The following FANCI variants were observed in gnomAD, a reference collection of about 807,000 sequenced individuals.
FANCI encodes the protein FA complementation group I.
A neutral mutation model predicts 176.1 loss-of-function variants in FANCI; 156 were observed. The observed-to-expected ratio is 0.89, with a 90% CI of 0.78 to 1.01. The LOEUF (loss-of-function observed/expected upper bound fraction) is 1.01. Ranked by LOEUF, FANCI falls within the 50% of genes least tolerant of loss-of-function variation. FANCI has a pLI of 0.00. For missense variants in FANCI, 1,678 were observed against 1,534.1 expected, an observed-to-expected ratio of 1.09 and a Z score of -1.57; for synonymous variants, 613 against 541.7, an observed-to-expected ratio of 1.13 and a Z score of -1.83.
intron 2 of FANCI, among the ~76,000 whole-genome samples, chr15:89,253,750 A>G (rs1461946413): frequency 7.1e-6 from 1 of 141,204 alleles, no homozygotes; most frequent in East Asian, 2.3e-4. Context: ...CGTATCACAG[A>G]AAAAGGATTA....
chr15:89,254,273 A>G (rs1175844784), intron 2 of FANCI, among the ~76,000 whole-genome samples: 2 of 152,200 alleles, frequency 1.3e-5, no homozygotes, highest in Admixed American at 6.5e-5. Flanking sequence ...TTGCTGTTTC[A>G]TAACCATTCC....
intron 6 of FANCI, 32 bp downstream of exon 6, chr15:89,261,910 G>A: frequency 6.2e-7 from 1 of 1,608,084 alleles, no homozygotes; most frequent in Non-Finnish European, 8.5e-7. Context: ...AACTTTCTTA[G>A]GAATACAAGT....
At chr15:89,270,941 C>G (rs2053176126) in intron 10 of FANCI, among the ~76,000 whole-genome samples, 1 of 152,106 alleles carries the variant, frequency 6.6e-6, no homozygotes, top group Non-Finnish European at 1.5e-5. Context: ...TCTGAGTAGG[C>G]TTTAAAACTT....
chr15:89,293,415 G>A (rs188688872), intron 22 of FANCI, among the ~76,000 whole-genome samples: 4 of 152,302 alleles, frequency 2.6e-5, no homozygotes, highest in Non-Finnish European at 5.9e-5. Context: ...GGCCAGGTGC[G>A]GTGGCTCACG....
intron 1 of FANCI, among the ~76,000 whole-genome samples, chr15:89,245,594 A>G (rs901255796): frequency 1.3e-5 from 2 of 151,968 alleles, no homozygotes; most frequent in African/African-American, 2.4e-5. Flanking sequence ...GGAAGCAGGA[A>G]TATTTATTTA....
chr15:89,254,540 TA>T (rs1412877312), intron 2 of FANCI, among the ~76,000 whole-genome samples: 1 of 152,178 alleles, frequency 6.6e-6, no homozygotes, highest in African/African-American at 2.4e-5. Flanking sequence ...TCCATACTCA[TA>T]ATTAATAAAT....
At chr15:89,283,898 G>C (rs1016366920) in intron 17 of FANCI, among the ~76,000 whole-genome samples, 2 of 151,928 alleles carry the variant, frequency 1.3e-5, no homozygotes, top group Non-Finnish European at 2.9e-5. Context: ...GAGTAGCTGG[G>C]ACTACAGGCG....
At position 89,306,145 on chromosome 15, in the gene FANCI, T is replaced by A. The variant is rs756242056; in HGVS notation, c.3488T>A (p.Leu1163Ter). 6.2e-7 allele frequency: 1 copy of A among 1,614,152 alleles called. No individual in the cohort carries two copies. Among genetic ancestry groups the A allele is most frequent in the Non-Finnish European group, 8.5e-7 (1 of 1,180,036 alleles). The change falls in exon 32 of 38, where the codon TTA becomes TAA. Residue 1163 changes from leucine to a stop codon, truncating the protein, a stop_gained. Transcript: ENST00000310775. LOFTEE classifies it high-confidence loss of function. ...LPSGSCVDTL[L>*]KDLCKMYTTL... The stretch of plus-strand genomic sequence containing the variant: ...TCAGGCAGCTGTGTGGACACCTTGT[T>A]AAAGGACTTGTGCAAAATGTACACC...
intron 10 of FANCI, 67 bp from the exon 11 acceptor site, chr15:89,273,310 T>TA (rs59945953): frequency 0.021 from 12,215 of 587,998 alleles, 8 homozygotes; most frequent in East Asian, 0.025. Flanking sequence ...TTTTTTTTTT[T>TA]AAAAAAAAAA....
chr15:89,297,681 A>C (rs2054355000), intron 24 of FANCI, among the ~76,000 whole-genome samples: 5 of 144,628 alleles, frequency 3.5e-5, no homozygotes, highest in African/African-American at 1.3e-4. Context: ...GGGAGGTTGC[A>C]GTGAGCCGAG....
At chr15:89,276,181 C>G (rs1365358368) in intron 12 of FANCI, among the ~76,000 whole-genome samples, 4 of 152,188 alleles carry the variant, frequency 2.6e-5, no homozygotes, top group Non-Finnish European at 4.4e-5. Flanking sequence ...TACTCTTTTA[C>G]AAAAGATTAT....
At position 89,281,166 on chromosome 15, in the gene FANCI, T is replaced by C; in HGVS notation, c.1382-4T>C. ...GACAACTGATTATAGATTCTGTTTT[T>C]CAGACCTGCTTTCAAATATCGTCAT... On this transcript the variant is annotated splice_polypyrimidine_tract_variant and splice_region_variant and intron_variant, in intron 14 of 37. Coordinates refer to ENST00000310775, the MANE Select transcript of FANCI (RefSeq NM_001113378.2). 1 of 1,613,430 alleles carries C rather than the reference T, an allele frequency of 6.2e-7. No homozygotes were observed. Among genetic ancestry groups the C allele is most frequent in the Non-Finnish European group, 8.5e-7 (1 of 1,179,552 alleles).
At position 89,283,248 on chromosome 15, in the gene FANCI, C is replaced by A. The variant is rs1469334288; in HGVS notation, c.1696C>A (p.Gln566Lys). The A allele has an allele frequency of 1.2e-6, 2 of 1,613,746 alleles. No individual in the cohort carries two copies. Among genetic ancestry groups the A allele is most frequent in the Non-Finnish European group, 1.7e-6 (2 of 1,179,802 alleles). The change falls in exon 17 of 38, where the codon CAG (glutamine) becomes AAG (lysine). Residue 566 changes from glutamine to lysine, a missense_variant and splice_region_variant. Gln to Lys is a moderately conservative substitution (Grantham distance 53). Coordinates refer to ENST00000310775, the MANE Select transcript of FANCI (RefSeq NM_001113378.2). ...SQCSQSLSVS[Q>K]VHVDVHSHYN... ...GTGCAGTCAGTCTCTCAGTGTCAGT[C>A]AGGTAAGGATTATTTACGTTAACTT...
At chr15:89,297,496 C>T (rs535086413) in intron 24 of FANCI, among the ~76,000 whole-genome samples, 61 of 152,234 alleles carry the variant, frequency 4.0e-4, no homozygotes, top group African/African-American at 1.5e-3. Flanking sequence ...AACGAGACTC[C>T]GTCTGCAATC....
chr15:89,279,724 C>G (rs917153424), intron 14 of FANCI, among the ~76,000 whole-genome samples: 3 of 152,170 alleles, frequency 2.0e-5, no homozygotes, highest in Admixed American at 1.3e-4. Flanking sequence ...TTCTCCAGGT[C>G]CTGGAGGCTG....
At position 89,295,740 on chromosome 15, in the gene FANCI, C is replaced by A. The variant is rs541824454; in HGVS notation, c.2636+646C>A. ...TCTTGCCTTCCCCTGGCGCCCCCCC[C>A]ACCTTTTTTTTTTTGTTGTTGTTGT... On this transcript the variant is annotated intron_variant, in intron 24 of 37. Coordinates refer to ENST00000310775, the MANE Select transcript of FANCI (RefSeq NM_001113378.2). Among the ~76,000 whole-genome samples, 3 of 144,488 alleles carry A rather than the reference C, an allele frequency of 2.1e-5. No homozygotes were observed. The East Asian group carries it at 6.3e-4, about 30-fold the overall frequency. The allele number at this position is 144,488 out of a possible 152,430, so 94.8% of individuals were successfully genotyped here. A position where few individuals can be genotyped will look rare whatever the true frequency, so the allele number is the denominator to read the frequency against.
intron 9 of FANCI, among the ~76,000 whole-genome samples, chr15:89,266,710 G>A (rs2052978111): frequency 6.6e-6 from 1 of 150,578 alleles, no homozygotes; most frequent in Non-Finnish European, 1.5e-5. Context: ...CTAGCTTCAG[G>A]CGATCTCCTG....
intron 26 of FANCI, 75 bp from the exon 27 acceptor site, chr15:89,301,251 C>A: frequency 1.1e-6 from 1 of 947,508 alleles, no homozygotes; most frequent in Non-Finnish European, 1.7e-6. Flanking sequence ...TTAGGAGTCT[C>A]TGACTAGATG....
chr15:89,253,724 G>GA (rs2052367560), intron 2 of FANCI, among the ~76,000 whole-genome samples: 1 of 144,208 alleles, frequency 6.9e-6, no homozygotes. Context: ...GGCAAACTGG[G>GA]AAAAAATATT....
Sources: allele counts gnomAD v4.1 joint callset (sites outside exome capture counted in the v4.1 genomes callset), GRCh38; gene constraint gnomAD v4.1.1; transcripts MANE v1.5; gene names NCBI Gene and HGNC (gene_info 2026-07-23, HGNC 2026-07-21).